THAP8: variants seen among roughly 807,000 people sequenced by gnomAD.
The protein encoded by THAP8 is THAP domain containing 8.
THAP8 carries 24 observed loss-of-function variants against 25.0 expected under a neutral mutation model. The observed-to-expected ratio is 0.96, with a 90% CI of 0.69 to 1.35. The LOEUF (loss-of-function observed/expected upper bound fraction) is 1.35, where lower values mean the gene tolerates loss of function less well. Ranked by LOEUF, THAP8 falls within the 40% of genes most tolerant of loss-of-function variation. The pLI, the probability that THAP8 is intolerant of heterozygous loss-of-function variation, is 0.00. For missense variants in THAP8, 399 were observed against 368.8 expected (o/e 1.08, Z -0.67); for synonymous variants, 169 against 157.6 (o/e 1.07, Z -0.54).
In THAP8 at chr19:36,039,473, G is replaced by T. The variant is rs1969603119; in HGVS notation, c.522C>A (p.Gly174=). Residue 174 remains glycine, a synonymous_variant, in exon 3 of 4, where the codon GGC becomes GGA. Coordinates refer to ENST00000292894, the MANE Select transcript of THAP8 (RefSeq NM_152658.3). ...VPAQQAQTGL[G]PVLGALQRRV... ...GGCGTTGCAGTGCTCCCAGCACTGG[G>T]CCCAGCCCGGTCTGGGCCTGTTGGG... 6.3e-7 allele frequency: 1 copy of T among 1,598,118 alleles called. No individual in the cohort carries two copies. Among genetic ancestry groups the T allele is most frequent in the Non-Finnish European group, 8.5e-7 (1 of 1,171,026 alleles).
At chr19:36,037,684 C>T (rs1207315242) in intron 3 of THAP8, among the ~76,000 whole-genome samples, 3 of 152,198 alleles carry the variant, frequency 2.0e-5, no homozygotes, top group South Asian at 2.1e-4. Context: ...TTGTCGCCTA[C>T]GCTGGAGTGC....
In THAP8 at chr19:36,054,231, C is replaced by G. The variant is rs1970210600; in HGVS notation, c.-14G>C. On this transcript the variant is annotated 5_prime_UTR_variant, in exon 1 of 4. Transcript: ENST00000292894. ...GTACTTGGGCATGGCTATCCAGCCC[C>G]CGCTGAGTTTTGCCGGGTCAGCGGC... 1 of 1,612,218 alleles carries G rather than the reference C, an allele frequency of 6.2e-7. No homozygotes were observed. Among genetic ancestry groups the G allele is most frequent in the Admixed American group, 1.7e-5 (1 of 59,792 alleles).
intron 2 of THAP8, 35 bp downstream of exon 2, chr19:36,039,909 G>A (rs761303694): frequency 1.9e-6 from 3 of 1,610,616 alleles, no homozygotes; most frequent in South Asian, 2.2e-5. Context: ...AGGTCTGGGG[G>A]TTGGATTCCA....
chr19:36,045,674 C>A, intron 1 of THAP8: 1 of 453,054 alleles, frequency 2.2e-6, no homozygotes, highest in Non-Finnish European at 4.4e-6. Flanking sequence ...TACAAGTATC[C>A]TTTTAATAAG....
intron 3 of THAP8, among the ~76,000 whole-genome samples, chr19:36,035,901 A>T (rs2145422247): frequency 6.6e-6 from 1 of 151,944 alleles, no homozygotes; most frequent in Middle Eastern, 3.4e-3. Flanking sequence ...GGAGACAGAA[A>T]ATATGCAGAT....
At chr19:36,045,637 G>A in intron 1 of THAP8, 1 of 433,348 alleles carries the variant, frequency 2.3e-6, no homozygotes, top group East Asian at 7.0e-5. Context: ...ATTATCCTGG[G>A]TCATCCGGGT....
chr19:36,054,413 G>A (rs911629487), upstream of THAP8: 4 of 641,522 alleles, frequency 6.2e-6, no homozygotes, highest in Non-Finnish European at 1.1e-5. Context: ...TCCCGCCCTC[G>A]TCACGTGACG....
chr19:36,038,636 G>C (rs1218272281), intron 3 of THAP8, among the ~76,000 whole-genome samples: 1 of 152,158 alleles, frequency 6.6e-6, no homozygotes, highest in Non-Finnish European at 1.5e-5. Flanking sequence ...TGGATCACGA[G>C]GTGAGGAGAT....
At chr19:36,035,698 G>C (rs1483628556) in intron 3 of THAP8, 106 bp from the exon 4 acceptor site, 2 of 1,318,800 alleles carry the variant, frequency 1.5e-6, no homozygotes, top group Non-Finnish European at 2.1e-6. Context: ...AGGAGGGCGT[G>C]TCAGGAAACA....
intron 3 of THAP8, 68 bp from the exon 4 acceptor site, chr19:36,035,660 C>T (rs776223012): frequency 1.4e-5 from 22 of 1,562,204 alleles, no homozygotes; most frequent in South Asian, 3.6e-5. Context: ...AGACAGATAA[C>T]GGTGAGGAAC....
At chr19:36,046,135 G>T (rs1298510747) in intron 1 of THAP8, among the ~76,000 whole-genome samples, 2 of 152,120 alleles carry the variant, frequency 1.3e-5, no homozygotes, top group Non-Finnish European at 2.9e-5. Context: ...GATCATGGGG[G>T]ATGTTTCCCC....
intron 3 of THAP8, among the ~76,000 whole-genome samples, chr19:36,036,152 G>A (rs1969433681): frequency 6.6e-6 from 1 of 151,928 alleles, no homozygotes; most frequent in Non-Finnish European, 1.5e-5. Flanking sequence ...TGTGCCCCAG[G>A]CCACAGTCTC....
chr19:36,049,107 A>C (rs1464476169), intron 1 of THAP8, among the ~76,000 whole-genome samples: 1 of 151,996 alleles, frequency 6.6e-6, no homozygotes, highest in Non-Finnish European at 1.5e-5. Context: ...GCATGGTGGC[A>C]CATGCCTGTA....
upstream of THAP8, chr19:36,054,473 A>AC (rs1277141018): frequency 5.1e-6 from 3 of 582,678 alleles, no homozygotes; most frequent in Admixed American, 3.0e-5. Context: ...GCCCTTCGTC[A>AC]CCCCGACTTT....
chr19:36,039,545 G>A lies in THAP8; in HGVS notation c.450C>T (p.Pro150=), dbSNP rs188124732. The A allele has an allele frequency of 2.5e-5, 39 of 1,536,826 alleles. No individual in the cohort carries two copies. In the East Asian group the frequency reaches 8.8e-4, roughly 35 times the overall value. Reference sequence around the variant, plus strand: ...GCTCAGGAGTTGGCGCAGGGGCCAGGGGGGTCAGGAGCATGGTGGCCACAG... The same window carrying A: ...GCTCAGGAGTTGGCGCAGGGGCCAGAGGGGTCAGGAGCATGGTGGCCACAG... ...PKTVATMLLT[P]LAPAPTPERS... Residue 150 remains proline, a synonymous_variant, in exon 3 of 4, where the codon CCC becomes CCT. Transcript: ENST00000292894.
chr19:36,040,619 GC>G (rs1969658424), intron 1 of THAP8, among the ~76,000 whole-genome samples: 1 of 152,086 alleles, frequency 6.6e-6, no homozygotes, highest in Non-Finnish European at 1.5e-5. Flanking sequence ...GAGCCACCAA[GC>G]CTGGCATTTC....
chr19:36,037,396 T>C (rs527428880), intron 3 of THAP8, among the ~76,000 whole-genome samples: 1 of 148,068 alleles, frequency 6.8e-6, no homozygotes, highest in South Asian at 2.1e-4. Flanking sequence ...CAGTAAAATA[T>C]AGAGGCAAAA....
At chr19:36,041,166 G>T (rs1969680301) in intron 1 of THAP8, among the ~76,000 whole-genome samples, 1 of 151,386 alleles carries the variant, frequency 6.6e-6, no homozygotes, top group African/African-American at 2.4e-5. Flanking sequence ...AAAAAAATTA[G>T]CCATGTATGG....
intron 1 of THAP8, among the ~76,000 whole-genome samples, chr19:36,050,577 G>A (rs1270455326): frequency 6.6e-6 from 1 of 152,162 alleles, no homozygotes; most frequent in African/African-American, 2.4e-5. Context: ...GCCAAAGGGT[G>A]GGTTAATGGA....
Sources: gnomAD v4.1 joint callset for allele counts (sites outside exome capture counted in the v4.1 genomes callset) on GRCh38, gnomAD v4.1.1 for gene constraint, MANE v1.5 for transcripts, NCBI Gene and HGNC (gene_info 2026-07-23, HGNC 2026-07-21) for gene names.